The following TENM2 variants were observed in gnomAD, a reference collection of about 807,000 sequenced individuals.
TENM2 encodes the protein teneurin transmembrane protein 2.
Under a neutral mutation model 245.2 loss-of-function variants are expected in TENM2, and 52 were observed. The ratio of observed to expected loss-of-function variants is 0.21; its 90% CI spans 0.17 to 0.27. TENM2 has a LOEUF of 0.27. Ranked by LOEUF, TENM2 falls within the 10% of genes least tolerant of loss-of-function variation. The probability of loss-of-function intolerance (pLI) is 1.00; values close to 1 mark genes in which losing one functional copy is unlikely to be tolerated. For synonymous variants in TENM2, 1,363 were observed against 1,438.9 expected, an observed-to-expected ratio of 0.95 and a Z score of 1.19; for missense variants, 3,046 against 3,666.8, an observed-to-expected ratio of 0.83 and a Z score of 4.37.
chr5:167,964,361 A>G (rs11954577), intron 4 of TENM2, among the ~76,000 whole-genome samples: 13,629 of 152,260 alleles, frequency 0.09, 665 homozygotes, highest in Non-Finnish European at 0.11. Flanking sequence ...AAGCAGGACA[A>G]AACTTCTCTC....
chr5:167,137,570 G>T, the TENM2 span, among the ~76,000 whole-genome samples: 1 of 152,090 alleles, frequency 6.6e-6, no homozygotes, highest in Non-Finnish European at 1.5e-5. Context: ...CTTGAGAGTT[G>T]GGTTAAGCCA....
intron 4 of TENM2, chr5:167,965,607 CAGAAATTTGTTAA>C (rs1413914351): frequency 3.3e-5 from 5 of 152,084 alleles, no homozygotes; most frequent in African/African-American, 1.2e-4. Flanking sequence ...AAATTCTCTC[CAGAAATTTGTTAA>C]ATTTATTTCA....
chr5:168,156,913 TG>T (rs981123533), intron 12 of TENM2, among the ~76,000 whole-genome samples: 10 of 152,302 alleles, frequency 6.6e-5, no homozygotes, highest in African/African-American at 2.4e-4. Context: ...CAGGAACGCC[TG>T]GGGCAGCCGT....
At chr5:167,284,165 T>G (rs557853759), upstream of TENM2, among the ~76,000 whole-genome samples, 1 of 152,344 alleles carries the variant, frequency 6.6e-6, no homozygotes, top group East Asian at 1.9e-4. Flanking sequence ...AAAAGCTCGT[T>G]GAAGAAATTG....
At chr5:167,490,495 G>A (rs1452968910) in intron 2 of TENM2, among the ~76,000 whole-genome samples, 1 of 152,004 alleles carries the variant, frequency 6.6e-6, no homozygotes, top group African/African-American at 2.4e-5. Flanking sequence ...AGATGCGCTT[G>A]TATATTGCAT....
At chr5:167,198,382 G>A in the TENM2 span, among the ~76,000 whole-genome samples, 3 of 152,042 alleles carry the variant, frequency 2.0e-5, no homozygotes, top group African/African-American at 7.2e-5. Context: ...GGCAAAGGAG[G>A]GCGCTAAGCC....
chr5:168,030,109 G>A (rs921929561), intron 5 of TENM2, among the ~76,000 whole-genome samples: 54 of 143,380 alleles, frequency 3.8e-4, no homozygotes, highest in African/African-American at 1.4e-3. Flanking sequence ...TGCTGAGAAA[G>A]AATGTCCCTG....
chr5:167,621,643 C>T (rs1778180647), intron 2 of TENM2, among the ~76,000 whole-genome samples: 1 of 152,180 alleles, frequency 6.6e-6, no homozygotes, highest in Admixed American at 6.5e-5. Flanking sequence ...ACTACCACTG[C>T]ACTGTGAGCT....
At chr5:167,600,640 A>T (rs1486703763) in intron 2 of TENM2, among the ~76,000 whole-genome samples, 1 of 152,216 alleles carries the variant, frequency 6.6e-6, no homozygotes, top group East Asian at 1.9e-4. Context: ...AAATGAAAAC[A>T]ACTCTTTCTC....
At chr5:167,278,355 A>C in the TENM2 span, among the ~76,000 whole-genome samples, 3 of 152,338 alleles carry the variant, frequency 2.0e-5, no homozygotes, top group African/African-American at 7.2e-5. Context: ...GAGATGGGTC[A>C]TGTTTTTAAT....
At chr5:167,756,354 TC>T (rs1288525265) in intron 2 of TENM2, among the ~76,000 whole-genome samples, 2 of 152,108 alleles carry the variant, frequency 1.3e-5, no homozygotes, top group African/African-American at 2.4e-5. Context: ...CAACACAAGC[TC>T]ATACACAGAC....
chr5:167,938,319 G>A (rs1221360724), intron 3 of TENM2, among the ~76,000 whole-genome samples: 1 of 152,178 alleles, frequency 6.6e-6, no homozygotes, highest in African/African-American at 2.4e-5. Context: ...AGATAAGGCT[G>A]GGGTGAGGAG....
the TENM2 span, among the ~76,000 whole-genome samples, chr5:167,140,482 G>A: frequency 2.0e-5 from 3 of 151,938 alleles, no homozygotes; most frequent in African/African-American, 7.3e-5. Context: ...GCTAATACCT[G>A]CCGCTCACAA....
chr5:167,483,293 G>A lies in TENM2; in HGVS notation c.502+107820G>A, dbSNP rs117842679. Among the ~76,000 whole-genome samples the A allele has an allele frequency of 1.8e-3, 272 of 152,240 alleles. 7 individuals are homozygous for A. The East Asian group carries it at 0.046, about 26-fold the overall frequency. On this transcript the variant is annotated intron_variant, in intron 2 of 28. Coordinates refer to ENST00000518659, the Ensembl canonical transcript of TENM2. Reference sequence around the variant, plus strand: ...TGCTTCCTTGCCCCTGGCAGCCTTCGAAAACTTCCCTCACCTTACTGTGGA... The same window carrying A: ...TGCTTCCTTGCCCCTGGCAGCCTTCAAAAACTTCCCTCACCTTACTGTGGA...
At chr5:167,197,143 C>T in the TENM2 span, among the ~76,000 whole-genome samples, 2 of 152,066 alleles carry the variant, frequency 1.3e-5, no homozygotes, top group Non-Finnish European at 2.9e-5. Context: ...AAAACCATTT[C>T]ACTAGTGCTC....
the TENM2 span, among the ~76,000 whole-genome samples, chr5:167,272,715 A>T: frequency 1.3e-5 from 2 of 152,142 alleles, no homozygotes; most frequent in Non-Finnish European, 2.9e-5. Flanking sequence ...CTCTCAATTC[A>T]CACGGGCATT....
intron 13 of TENM2, among the ~76,000 whole-genome samples, chr5:168,176,210 C>G (rs1172970294): frequency 6.6e-6 from 1 of 152,212 alleles, no homozygotes; most frequent in Non-Finnish European, 1.5e-5. Flanking sequence ...GAAGTCAGAT[C>G]CTATCACACC....
chr5:167,759,575 A>C (rs1244016532), intron 2 of TENM2, among the ~76,000 whole-genome samples: 1 of 152,144 alleles, frequency 6.6e-6, no homozygotes, highest in Non-Finnish European at 1.5e-5. Context: ...GGTATATATG[A>C]GTCACCAGAG....
intron 2 of TENM2, among the ~76,000 whole-genome samples, chr5:167,767,391 T>C (rs1292209560): frequency 6.6e-6 from 1 of 152,176 alleles, no homozygotes; most frequent in Non-Finnish European, 1.5e-5. Flanking sequence ...TACCAAGTAC[T>C]AGAGAAATGA....
Sources: gnomAD v4.1 joint callset for allele counts (sites outside exome capture counted in the v4.1 genomes callset) on GRCh38, gnomAD v4.1.1 for gene constraint, MANE v1.5 for transcripts, NCBI Gene and HGNC (gene_info 2026-07-23, HGNC 2026-07-21) for gene names.